Variants in TRIP12 observed in about 807,000 individuals in gnomAD.
TRIP12 encodes the protein thyroid hormone receptor interactor 12, also known as E3 ubiquitin-protein ligase TRIP12.
Under a neutral mutation model 244.2 loss-of-function variants are expected in TRIP12, and 25 were observed. That is an observed-to-expected ratio of 0.10 (90% CI 0.07 to 0.14). The LOEUF is 0.14. Among genes scored for constraint, TRIP12 ranks in the 10% least tolerant of loss-of-function variants. TRIP12 has a pLI of 1.00. For synonymous variants in TRIP12, 905 were observed against 873.1 expected (o/e 1.04, Z -0.64); for missense variants, 1,677 against 2,486.4 (o/e 0.67, Z 6.92).
chr2:229,774,538 T>C (rs1242686894), intron 37 of TRIP12, among the ~76,000 whole-genome samples: 1 of 152,214 alleles, frequency 6.6e-6, no homozygotes, highest in African/African-American at 2.4e-5. Context: ...TCACAGTAAG[T>C]GCATAATAGG....
At chr2:229,793,255 T>C (rs2041984238) in intron 26 of TRIP12, 110 bp from the exon 27 acceptor site, 2 of 1,068,020 alleles carry the variant, frequency 1.9e-6, no homozygotes, top group Non-Finnish European at 1.3e-6. Flanking sequence ...GACACACTAG[T>C]ACTAAGCATT....
intron 4 of TRIP12, among the ~76,000 whole-genome samples, chr2:229,845,049 A>G (rs907939630): frequency 1.3e-5 from 2 of 152,216 alleles, no homozygotes; most frequent in African/African-American, 2.4e-5. Context: ...GGACAGGTAT[A>G]TAACCCAAGG....
intron 1 of TRIP12, among the ~76,000 whole-genome samples, chr2:229,886,608 A>G (rs184872193): frequency 9.1e-4 from 139 of 152,100 alleles, no homozygotes; most frequent in African/African-American, 3.2e-3. Context: ...CTGGGACTAC[A>G]GTCGTGCAAC....
chr2:229,856,708 C>T (rs1235764835), intron 4 of TRIP12, among the ~76,000 whole-genome samples: 1 of 152,170 alleles, frequency 6.6e-6, no homozygotes, highest in Non-Finnish European at 1.5e-5. Context: ...ACACAAAACA[C>T]AGGGAGGAAA....
intron 8 of TRIP12, among the ~76,000 whole-genome samples, chr2:229,821,117 C>G (rs2049937890): frequency 6.6e-6 from 1 of 152,108 alleles, no homozygotes; most frequent in Non-Finnish European, 1.5e-5. Context: ...AACTTTGGTT[C>G]AGTAAGGGCA....
intron 1 of TRIP12, among the ~76,000 whole-genome samples, chr2:229,904,760 C>T (rs889218614): frequency 2.6e-5 from 4 of 152,190 alleles, no homozygotes; most frequent in African/African-American, 7.2e-5. Flanking sequence ...CTACATGTTA[C>T]GTGACACCCT....
At chr2:229,921,145 CT>C (rs2076467856) in intron 1 of TRIP12, 1 of 152,324 alleles carries the variant, frequency 6.6e-6, no homozygotes, top group African/African-American at 2.4e-5. Context: ...GCATGCCCCC[CT>C]CGTCATCATC....
chr2:229,781,804 A>G (rs1461445150), intron 34 of TRIP12, among the ~76,000 whole-genome samples: 1 of 152,160 alleles, frequency 6.6e-6, no homozygotes, highest in Non-Finnish European at 1.5e-5. Context: ...CTGAAGCCCT[A>G]TGCATCTCAC....
intron 1 of TRIP12, among the ~76,000 whole-genome samples, chr2:229,901,620 G>GA (rs57457531): frequency 0.72 from 102,878 of 143,260 alleles, 37,527 homozygotes; most frequent in African/African-American, 0.85. Context: ...GAGACTGTCT[G>GA]AAAAAAAAAA....
At chr2:229,848,734 A>C (rs2058076080) in intron 4 of TRIP12, among the ~76,000 whole-genome samples, 1 of 152,146 alleles carries the variant, frequency 6.6e-6, no homozygotes, top group South Asian at 2.1e-4. Context: ...AGAAAGCAAA[A>C]CCAGTTGGTC....
At position 229,858,870 on chromosome 2, in the gene TRIP12, G is replaced by C. The variant is rs1385934095; in HGVS notation, c.929C>G (p.Pro310Arg). ...SKFDWAARFSPKVSLPKTKLS... is the reference protein window; with the variant it reads ...SKFDWAARFSRKVSLPKTKLS... ...TTTTGTTTTAGGAAGGCTAACTTTA[G>C]GGCTGAAACGAGCAGCCCAATCAAA... is the stretch of plus-strand genomic sequence containing the variant. The change falls in exon 4 of 42, where the codon CCT becomes CGT. Residue 310 changes from proline to arginine, a missense_variant. This residue lies in a region of TRIP12 where 387 missense variants were observed against 392.6 expected (regional missense o/e 0.99). Transcript: ENST00000675903. 5 of 1,614,102 alleles carry C rather than the reference G, an allele frequency of 3.1e-6. No homozygotes were observed. The highest frequency in any genetic ancestry group is 4.2e-6 in the Non-Finnish European group (5 of 1,180,040).
chr2:229,878,608 C>T (rs1322913441), intron 2 of TRIP12, among the ~76,000 whole-genome samples: 1 of 150,402 alleles, frequency 6.6e-6, no homozygotes, highest in Non-Finnish European at 1.5e-5. Flanking sequence ...GACGGAGTCT[C>T]GCTCTGTCTG....
intron 40 of TRIP12, among the ~76,000 whole-genome samples, chr2:229,769,015 C>T (rs1395823123): frequency 1.3e-5 from 2 of 152,170 alleles, no homozygotes; most frequent in Admixed American, 1.3e-4. Flanking sequence ...AGTATTTTCA[C>T]AGAAATACTT....
At chr2:229,799,182 T>G (rs575319541) in intron 22 of TRIP12, 101 bp downstream of exon 22, 2 of 1,520,206 alleles carry the variant, frequency 1.3e-6, no homozygotes, top group African/African-American at 2.8e-5. Context: ...TCAGGAAACT[T>G]AGGCATACTT....
At chr2:229,811,428 T>TA (rs1186635775) in intron 13 of TRIP12, among the ~76,000 whole-genome samples, 1 of 145,342 alleles carries the variant, frequency 6.9e-6, no homozygotes, top group East Asian at 1.9e-4. Context: ...TAAAGGCCCC[T>TA]ACTAGATAAA....
rs780999801 is a variant in TRIP12, at chr2:229,859,096, T to C, written c.703A>G (p.Ile235Val). Reference sequence around the variant, plus strand: ...GAGGCAGCAGAAGAAGAATCAGTGATGGTGCTACACCCAGCTTTGGCTGAG... The same window carrying C: ...GAGGCAGCAGAAGAAGAATCAGTGACGGTGCTACACCCAGCTTTGGCTGAG... ...ATSAKAGCST[I>V]TDSSSAASTS... The change falls in exon 4 of 42, where the codon ATC (isoleucine) becomes GTC (valine). Residue 235 changes from isoleucine (I) to valine (V), a missense_variant. Ile to Val is a conservative substitution (Grantham distance 29). Coordinates refer to ENST00000675903, the MANE Select transcript of TRIP12 (RefSeq NM_001348323.3). 49 of 1,614,080 alleles carry C rather than the reference T, an allele frequency of 3.0e-5. No individual in the cohort carries two copies. Among genetic ancestry groups the C allele is most frequent in the Non-Finnish European group, 3.6e-5 (43 of 1,180,028 alleles).
intron 29 of TRIP12, 117 bp downstream of exon 29, chr2:229,791,749 T>C (rs2041598449): frequency 9.5e-7 from 1 of 1,049,742 alleles, no homozygotes; most frequent in Admixed American, 2.3e-5. Context: ...AACTAAAATG[T>C]GTGATTTAGG....
At chr2:229,791,076 A>G in intron 30 of TRIP12, 48 bp downstream of exon 30, 1 of 1,600,292 alleles carries the variant, frequency 6.2e-7, no homozygotes, top group East Asian at 2.2e-5. Context: ...TGAAAATGGG[A>G]AGATTGCCCA....
intron 1 of TRIP12, among the ~76,000 whole-genome samples, chr2:229,904,403 G>A (rs930061594): frequency 1.8e-5 from 2 of 110,566 alleles, no homozygotes; most frequent in Non-Finnish European, 1.7e-5. Flanking sequence ...GGGAAAGAGT[G>A]AGACTCCATC....
Sources: gnomAD v4.1 joint callset for allele counts (sites outside exome capture counted in the v4.1 genomes callset) on GRCh38, gnomAD v4.1.1 for gene constraint, gnomAD v4.1.1 regional missense constraint, MANE v1.5 for transcripts, NCBI Gene and HGNC (gene_info 2026-07-23, HGNC 2026-07-21) for gene names.